Variants in RBFOX3 observed in about 807,000 individuals in gnomAD.
RBFOX3 encodes the protein RNA binding protein fox-1 homolog 3.
Under a neutral mutation model 48.7 loss-of-function variants are expected in RBFOX3, and 17 were observed. That is an observed-to-expected ratio of 0.35 (90% CI 0.24 to 0.52). The LOEUF (loss-of-function observed/expected upper bound fraction) is 0.52, where lower values mean the gene tolerates loss of function less well. RBFOX3 is among the 20% of genes least tolerant of loss of function. The probability of loss-of-function intolerance (pLI) is 0.94; values close to 1 mark genes in which losing one functional copy is unlikely to be tolerated. For missense variants in RBFOX3, 382 were observed against 497.5 expected, an observed-to-expected ratio of 0.77 and a Z score of 2.21; for synonymous variants, 212 against 209.5, an observed-to-expected ratio of 1.01 and a Z score of -0.10.
chr17:79,654,558 C>T, the RBFOX3 span, among the ~76,000 whole-genome samples: 1 of 152,222 alleles, frequency 6.6e-6, no homozygotes, highest in Non-Finnish European at 1.5e-5. Context: ...TTCAAATAGA[C>T]ATGGGCACCA....
intron 1 of RBFOX3, among the ~76,000 whole-genome samples, chr17:79,590,890 AT>A (rs1758102917): frequency 6.6e-6 from 1 of 152,126 alleles, no homozygotes; most frequent in African/African-American, 2.4e-5. Context: ...CCCACCCCAA[AT>A]CTCAAAGAAA....
At chr17:79,626,282 T>G in the RBFOX3 span, among the ~76,000 whole-genome samples, 1 of 152,056 alleles carries the variant, frequency 6.6e-6, no homozygotes, top group Non-Finnish European at 1.5e-5. Flanking sequence ...TCCCACCCCA[T>G]CCCATTCCGT....
At chr17:79,526,548 T>C (rs1205996288) in intron 1 of RBFOX3, among the ~76,000 whole-genome samples, 1 of 152,170 alleles carries the variant, frequency 6.6e-6, no homozygotes, top group Non-Finnish European at 1.5e-5. Flanking sequence ...GGTCATGAGA[T>C]AGGAAGTATC....
chr17:79,620,051 A>G, the RBFOX3 span, among the ~76,000 whole-genome samples: 14 of 151,062 alleles, frequency 9.3e-5, no homozygotes, highest in South Asian at 2.1e-4. Context: ...ACACACGCAC[A>G]TGCACACATA....
chr17:79,456,035 T>G (rs1017054977), intron 2 of RBFOX3, among the ~76,000 whole-genome samples: 2 of 131,740 alleles, frequency 1.5e-5, no homozygotes, highest in African/African-American at 5.1e-5. Flanking sequence ...ACTGACCAGG[T>G]CCCACCCCAA....
At chr17:79,488,149 G>A (rs575748109) in intron 1 of RBFOX3, among the ~76,000 whole-genome samples, 3 of 152,210 alleles carry the variant, frequency 2.0e-5, no homozygotes, top group Non-Finnish European at 4.4e-5. Context: ...AAACAGCCAA[G>A]CATACATCCT....
chr17:79,363,298 A>G lies in RBFOX3; in HGVS notation c.-174-55474T>C, dbSNP rs1849972918. Among the ~76,000 whole-genome samples, 1 of 152,108 alleles carries G rather than the reference A, an allele frequency of 6.6e-6. No homozygotes were observed. The highest frequency in any genetic ancestry group is 1.5e-5 in the Non-Finnish European group (1 of 68,014). On this transcript the variant is annotated intron_variant, in intron 2 of 14. Coordinates refer to ENST00000693108, the MANE Select transcript of RBFOX3 (RefSeq NM_001350451.2). The surrounding 1 kb of genome is among the most constrained non-coding windows in gnomAD (Gnocchi z 4.7). Reference sequence around the variant, plus strand: ...GTGCAGAAGAACCAGGGGACTCTTTAAAGGGCAAATGCGCTGTGAATGGAG... The same window carrying G: ...GTGCAGAAGAACCAGGGGACTCTTTGAAGGGCAAATGCGCTGTGAATGGAG...
chr17:79,229,548 G>A (rs1600124197), intron 4 of RBFOX3, among the ~76,000 whole-genome samples: 1 of 103,072 alleles, frequency 9.7e-6, no homozygotes, highest in Non-Finnish European at 1.7e-5. Flanking sequence ...GACAGAGCAA[G>A]ACTCCATCTC....
chr17:79,164,985 G>A (rs2047705499), intron 4 of RBFOX3, among the ~76,000 whole-genome samples: 1 of 152,198 alleles, frequency 6.6e-6, no homozygotes, highest in Non-Finnish European at 1.5e-5. Context: ...CATCTGCTAA[G>A]GAAAGACCAG....
chr17:79,365,150 C>A (rs894361159), intron 2 of RBFOX3, among the ~76,000 whole-genome samples: 1 of 151,632 alleles, frequency 6.6e-6, no homozygotes, highest in Admixed American at 6.6e-5. Context: ...CACACACTCT[C>A]TCATGCACAT....
rs74407563 is a variant in RBFOX3, at chr17:79,109,280, C to T, written c.223-2492G>A. The stretch of plus-strand genomic sequence containing the variant: ...CATCAGTGGGGGCTGAGCTTTGGCA[C>T]GGAGGCATCTGTGGTGGGCACAGCT... On this transcript the variant is annotated intron_variant, in intron 5 of 14. Coordinates refer to ENST00000693108, the MANE Select transcript of RBFOX3 (RefSeq NM_001350451.2). Among the ~76,000 whole-genome samples the T allele has an allele frequency of 4.4e-4, 67 of 152,292 alleles. 2 individuals are homozygous for T. The East Asian group carries it at 0.011, about 24-fold the overall frequency.
intron 2 of RBFOX3, among the ~76,000 whole-genome samples, chr17:79,397,541 C>T (rs2148340514): frequency 6.6e-6 from 1 of 150,664 alleles, no homozygotes; most frequent in South Asian, 2.1e-4. Context: ...TTTAGAAAAG[C>T]CCATTAAGAG....
intron 1 of RBFOX3, among the ~76,000 whole-genome samples, chr17:79,555,432 G>C (rs1338933448): frequency 1.0e-4 from 14 of 134,668 alleles, no homozygotes; most frequent in African/African-American, 4.4e-4. Context: ...TGATGGTGGT[G>C]ATGATGGTAG....
At chr17:79,627,074 G>A in the RBFOX3 span, among the ~76,000 whole-genome samples, 13 of 152,214 alleles carry the variant, frequency 8.5e-5, no homozygotes, top group South Asian at 4.1e-4. Flanking sequence ...GGGCTCAGAC[G>A]GTCATCTGAT....
In RBFOX3 at chr17:79,094,124, C is replaced by T. The variant is rs2074638031; in HGVS notation, c.1077+327G>A. 7.7e-6 allele frequency: 3 copies of T among 390,290 alleles called. No homozygotes were observed. In the Middle Eastern group the frequency reaches 1.9e-3, roughly 250 times the overall value. 24.2% of individuals were successfully genotyped at this position (390,290 alleles called of 1,614,324 possible). ...GCCCTGGTTTGGTTTCTGAGGTTTTCCTGGTGGAAATGGGAATGGAGGGGC... is the reference window on the plus strand; with the variant it reads ...GCCCTGGTTTGGTTTCTGAGGTTTTTCTGGTGGAAATGGGAATGGAGGGGC... On this transcript the variant is annotated intron_variant, in intron 14 of 14. Coordinates refer to ENST00000693108, the MANE Select transcript of RBFOX3 (RefSeq NM_001350451.2).
At chr17:79,116,299 G>A (rs1454380250) in intron 4 of RBFOX3, among the ~76,000 whole-genome samples, 1 of 152,190 alleles carries the variant, frequency 6.6e-6, no homozygotes, top group African/African-American at 2.4e-5. Context: ...TGGATCACCT[G>A]AGGTCAGGAG....
rs147995969 is a variant in RBFOX3, at chr17:79,284,453, C to T, written c.-74+23271G>A. On this transcript the variant is annotated intron_variant, in intron 3 of 14. Transcript: ENST00000693108. ...GTCATAAAAAATAGGGAGGAGAGTG[C>T]GTGGTGATTGAGACAGGCCCTCATG... is the stretch of plus-strand genomic sequence containing the variant. Among the ~76,000 whole-genome samples the T allele has an allele frequency of 3.0e-3, 459 of 151,598 alleles. 2 individuals carry two copies. Among genetic ancestry groups the T allele is most frequent in the African/African-American group, 0.011 (438 of 41,270 alleles).
At chr17:79,556,112 C>T (rs996704992) in intron 1 of RBFOX3, among the ~76,000 whole-genome samples, 15 of 152,248 alleles carry the variant, frequency 9.9e-5, no homozygotes, top group East Asian at 5.8e-4. Context: ...ACTTTACAGA[C>T]GGGGAAGCAA....
intron 1 of RBFOX3, among the ~76,000 whole-genome samples, chr17:79,501,256 G>C (rs1426879715): frequency 6.6e-6 from 1 of 152,188 alleles, no homozygotes; most frequent in African/African-American, 2.4e-5. Flanking sequence ...CTTGCAGGCT[G>C]CGGGGAAGAC....
Sources: gnomAD v4.1 joint callset for allele counts (sites outside exome capture counted in the v4.1 genomes callset) on GRCh38, gnomAD v4.1.1 for gene constraint, Gnocchi (gnomAD v3.1) non-coding constraint, MANE v1.5 for transcripts, NCBI Gene and HGNC (gene_info 2026-07-23, HGNC 2026-07-21) for gene names.